The following CMC1 variants were observed in gnomAD, a reference collection of about 807,000 sequenced individuals.
CMC1 encodes the protein C-X9-C motif containing 1.
CMC1 carries 14 observed loss-of-function variants against 14.1 expected under a neutral mutation model. That is an observed-to-expected ratio of 0.99 (90% confidence interval 0.66 to 1.55). CMC1 has a LOEUF of 1.55. Among genes scored for constraint, CMC1 ranks in the 40% most tolerant of loss-of-function variants. The probability of loss-of-function intolerance (pLI) is 0.00; values close to 1 mark genes in which losing one functional copy is unlikely to be tolerated. For missense variants in CMC1, 127 were observed against 123.8 expected (o/e 1.03, Z -0.12); for synonymous variants, 50 against 38.4 (o/e 1.30, Z -1.12).
intron 1 of CMC1, among the ~76,000 whole-genome samples, chr3:28,259,784 A>G (rs537726360): frequency 6.6e-6 from 1 of 152,276 alleles, no homozygotes; most frequent in African/African-American, 2.4e-5. Context: ...AAACCAGGAA[A>G]CTGAAGTTGA....
chr3:28,269,318 A>G (rs760860082), intron 2 of CMC1, among the ~76,000 whole-genome samples: 7 of 152,218 alleles, frequency 4.6e-5, no homozygotes, highest in Non-Finnish European at 8.8e-5. Flanking sequence ...TATTATGATT[A>G]TCTTGTTTCT....
In CMC1 at chr3:28,322,641, C is replaced by G. The variant is rs1023622102; in HGVS notation, c.*3012C>G. ...TCTTTTATGCATATTGGGTTTGGTT[C>G]TATTACTTGGCAGGAGATTGTACTC... On this transcript the variant is annotated 3_prime_UTR_variant, in exon 4 of 4. Transcript: ENST00000466830. 6.6e-6 allele frequency: 1 copy of G among 151,468 alleles called. No homozygotes were observed. The highest frequency in any genetic ancestry group is 1.5e-5 in the Non-Finnish European group (1 of 67,368). 9.4% of individuals were successfully genotyped at this position (151,468 alleles called of 1,614,324 possible). A position where few individuals can be genotyped will look rare whatever the true frequency, so the allele number is the denominator to read the frequency against.
intron 2 of CMC1, chr3:28,294,368 A>G: frequency 3.5e-6 from 1 of 286,384 alleles, no homozygotes; most frequent in Non-Finnish European, 5.2e-6. Context: ...ATTGTTAAGT[A>G]GCAAAATTTG....
At position 28,242,471 on chromosome 3, in the gene CMC1, A is replaced by T. The variant is rs937869798; in HGVS notation, c.19+659A>T. On this transcript the variant is annotated intron_variant, in intron 1 of 3. Coordinates refer to ENST00000466830, the MANE Select transcript of CMC1 (RefSeq NM_182523.2). ...GAGGGAATGGTAGTTGGTCTAGTCC[A>T]TTTCTTTCATTTTATGGATACAAAA... Among the ~76,000 whole-genome samples, 3 of 152,322 alleles carry T rather than the reference A, an allele frequency of 2.0e-5. No homozygotes were observed. The East Asian group carries it at 5.8e-4, about 29-fold the overall frequency.
Position 28,274,213 on chromosome 3 carries a change from TTTTTTTC to T in CMC1, c.109+10840_109+10846del, listed in dbSNP as rs1559415114. Among the ~76,000 whole-genome samples the T allele has an allele frequency of 4.3e-4, 44 of 101,256 alleles. 3 individuals are homozygous for T. Among genetic ancestry groups the T allele is most frequent in the Admixed American group, 3.4e-3 (29 of 8,584 alleles). The allele number at this position is 101,256 out of a possible 152,430, so 66.4% of individuals were successfully genotyped here. A position where few individuals can be genotyped will look rare whatever the true frequency, so the allele number is the denominator to read the frequency against. ...TGGTCTTTGTACTAAAGTGTTTTTG[TTTTTTTC>T]TTTTTTTTTTTTTTTGCAGTGGCTA... On this transcript the variant is annotated intron_variant, in intron 2 of 3. Coordinates refer to ENST00000466830, the MANE Select transcript of CMC1 (RefSeq NM_182523.2).
chr3:28,261,670 T>A (rs1699742339), intron 1 of CMC1, among the ~76,000 whole-genome samples: 1 of 152,076 alleles, frequency 6.6e-6, no homozygotes, highest in Non-Finnish European at 1.5e-5. Context: ...AGTTTATTGT[T>A]TATTGTTTTA....
intron 1 of CMC1, chr3:28,253,683 A>C (rs563129050): frequency 9.3e-7 from 1 of 1,075,108 alleles, no homozygotes; most frequent in Non-Finnish European, 1.3e-6. Flanking sequence ...TGCTAATGAG[A>C]ACACTGTTGC....
intron 2 of CMC1, among the ~76,000 whole-genome samples, chr3:28,264,783 T>A (rs577002220): frequency 6.6e-6 from 1 of 152,180 alleles, no homozygotes; most frequent in Non-Finnish European, 1.5e-5. Flanking sequence ...CTAGGAAAAT[T>A]TACTTATTAC....
intron 1 of CMC1, among the ~76,000 whole-genome samples, chr3:28,242,744 G>A (rs2125408086): frequency 6.6e-6 from 1 of 152,304 alleles, no homozygotes; most frequent in Non-Finnish European, 1.5e-5. Context: ...TAGTCCAGCA[G>A]GTAGTGGTAG....
At position 28,320,582 on chromosome 3, in the gene CMC1, A is replaced by G. The variant is rs942562006; in HGVS notation, c.*953A>G. ...GAACTCTTGGGGGACACATCAAACC[A>G]TAGCAGAACCATAGATAAGGAGATA... On this transcript the variant is annotated 3_prime_UTR_variant, in exon 4 of 4. Transcript: ENST00000466830. 2 of 151,570 alleles carry G rather than the reference A, an allele frequency of 1.3e-5. No individual in the cohort carries two copies. The highest frequency in any genetic ancestry group is 1.5e-5 in the Non-Finnish European group (1 of 67,672). The allele number at this position is 151,570 out of a possible 1,614,324, so 9.4% of individuals were successfully genotyped here.
chr3:28,319,536 A>G lies in CMC1; in HGVS notation c.228A>G (p.Glu76=). 6.2e-7 allele frequency: 1 copy of G among 1,605,460 alleles called. No homozygotes were observed. The highest frequency in any genetic ancestry group is 8.5e-7 in the Non-Finnish European group (1 of 1,174,332). The change falls in exon 4 of 4, where the codon GAA becomes GAG. Residue 76 remains glutamate, a synonymous_variant. Transcript: ENST00000466830. ...ATAATGATCCAGCCTTTTATGAAGAATGCAAAATGGAATACCTGAAGGAAA... is the reference window on the plus strand; with the variant it reads ...ATAATGATCCAGCCTTTTATGAAGAGTGCAAAATGGAATACCTGAAGGAAA... The part of the protein sequence containing the change: ...AYYNDPAFYE[E]CKMEYLKERE...
chr3:28,288,310 T>C (rs572847068), intron 2 of CMC1, among the ~76,000 whole-genome samples: 5 of 152,110 alleles, frequency 3.3e-5, no homozygotes, highest in Admixed American at 1.3e-4. Flanking sequence ...TTTCTGATTA[T>C]GAGCCAAGTG....
At chr3:28,272,950 G>T (rs911714230) in intron 2 of CMC1, among the ~76,000 whole-genome samples, 1 of 152,178 alleles carries the variant, frequency 6.6e-6, no homozygotes, top group Non-Finnish European at 1.5e-5. Context: ...CTCCCAAAGT[G>T]CTGGGATTAC....
intron 2 of CMC1, among the ~76,000 whole-genome samples, chr3:28,309,811 CTGA>C (rs943741790): frequency 7.1e-6 from 1 of 141,432 alleles, no homozygotes; most frequent in Non-Finnish European, 1.5e-5. Flanking sequence ...TCTCCTGCAG[CTGA>C]TATTTACCAC....
chr3:28,284,065 G>A (rs1217041945), intron 2 of CMC1, among the ~76,000 whole-genome samples: 1 of 152,152 alleles, frequency 6.6e-6, no homozygotes, highest in Non-Finnish European at 1.5e-5. Context: ...TGACTTAAGT[G>A]TACTTTGTGA....
chr3:28,292,492 A>G (rs547559499), intron 2 of CMC1, among the ~76,000 whole-genome samples: 3 of 152,112 alleles, frequency 2.0e-5, no homozygotes, highest in African/African-American at 7.2e-5. Flanking sequence ...GTCATTCCCC[A>G]CTGCTTATGA....
chr3:28,279,889 C>T (rs993324707), intron 2 of CMC1, among the ~76,000 whole-genome samples: 8 of 152,174 alleles, frequency 5.3e-5, no homozygotes, highest in African/African-American at 1.9e-4. Context: ...ACAAAACACA[C>T]ATCTGCCCAG....
Position 28,321,183 on chromosome 3 carries a change from G to C in CMC1, c.*1554G>C, listed in dbSNP as rs1703175824. 6.6e-6 allele frequency: 1 copy of C among 151,372 alleles called. No individual in the cohort carries two copies. The highest frequency in any genetic ancestry group is 2.4e-5 in the African/African-American group (1 of 41,326). 9.4% of individuals were successfully genotyped at this position (151,372 alleles called of 1,614,324 possible). A position where few individuals can be genotyped will look rare whatever the true frequency, so the allele number is the denominator to read the frequency against. On this transcript the variant is annotated 3_prime_UTR_variant, in exon 4 of 4. Transcript: ENST00000466830. ...AAAGCAAAGCAAATATAGAAATCTA[G>C]AGACCACACAGCATAGGGGCAAACA...
chr3:28,248,663 T>C (rs1698956328), intron 1 of CMC1, among the ~76,000 whole-genome samples: 1 of 152,202 alleles, frequency 6.6e-6, no homozygotes, highest in Non-Finnish European at 1.5e-5. Context: ...TAAAATTCTG[T>C]AGATGTCAAA....
Sources: allele counts gnomAD v4.1 joint callset (sites outside exome capture counted in the v4.1 genomes callset), GRCh38; gene constraint gnomAD v4.1.1; transcripts MANE v1.5; gene names NCBI Gene and HGNC (gene_info 2026-07-23, HGNC 2026-07-21).